Variants in AFF2 observed in about 807,000 individuals in gnomAD.
AFF2 encodes the protein ALF transcription elongation factor 2.
AFF2 carries 14 observed loss-of-function variants against 76.9 expected under a neutral mutation model. That is an observed-to-expected ratio of 0.18 (90% CI 0.12 to 0.28). AFF2 has a LOEUF of 0.28. Among genes scored for constraint, AFF2 ranks in the 10% least tolerant of loss-of-function variants. The pLI is 1.00. For synonymous variants in AFF2, 398 were observed against 366.7 expected, an observed-to-expected ratio of 1.09 and a Z score of -0.98; for missense variants, 868 against 1,001.1, an observed-to-expected ratio of 0.87 and a Z score of 1.79.
intron 1 of AFF2, among the ~76,000 whole-genome samples, chrX:148,506,290 T>C (rs782353025): frequency 8.9e-6 from 1 of 111,792 alleles, no homozygotes; most frequent in South Asian, 3.7e-4. Flanking sequence ...TGCTATCTCA[T>C]TTGATCATTG....
chrX:148,971,747 C>CTTTTTTTTTTTTTTTTTTTTTTTA (rs781928514), intron 15 of AFF2, among the ~76,000 whole-genome samples: 4 of 44,730 alleles, frequency 8.9e-5, no homozygotes, highest in African/African-American at 2.8e-4. Context: ...TTTTCTATTT[C>CTTTTTTTTTTTTTTTTTTTTTTTA]TTTTTTTTTT....
At position 148,715,410 on chromosome X, in the gene AFF2, T is replaced by C. The variant is rs185107434; in HGVS notation, c.1041+52642T>C. On this transcript the variant is annotated intron_variant, in intron 3 of 20. Transcript: ENST00000370460. ...AGCACATATATGTACACCATTCCAC[T>C]CCCACTAGTGTGTGCTCGCTGGCAC... Among the ~76,000 whole-genome samples, 393 of 110,578 alleles carry C rather than the reference T, an allele frequency of 3.6e-3. 3 individuals carry two copies. Among genetic ancestry groups the C allele is most frequent in the African/African-American group, 0.011 (345 of 30,125 alleles).
intron 3 of AFF2, among the ~76,000 whole-genome samples, chrX:148,805,022 C>T (rs1557271199): frequency 8.9e-6 from 1 of 111,832 alleles, no homozygotes. Flanking sequence ...ATGGGAATTA[C>T]AAATTTTAAA....
intron 3 of AFF2, among the ~76,000 whole-genome samples, chrX:148,762,424 C>T (rs781847867): frequency 1.5e-4 from 11 of 75,322 alleles, no homozygotes; most frequent in African/African-American, 9.4e-4. Flanking sequence ...TATATATACA[C>T]ATGCACACAT....
intron 1 of AFF2, among the ~76,000 whole-genome samples, chrX:148,518,022 C>CAA (rs543248775): frequency 2.3e-4 from 9 of 38,596 alleles, no homozygotes; most frequent in African/African-American, 8.8e-4. Flanking sequence ...GACTCCGTCT[C>CAA]AAAAAAAAAA....
At chrX:148,838,695 G>A (rs993514460) in intron 5 of AFF2, among the ~76,000 whole-genome samples, 1 of 111,846 alleles carries the variant, frequency 8.9e-6, no homozygotes, top group Non-Finnish European at 1.9e-5. Flanking sequence ...TAAAGTTTGT[G>A]TGATGGGGAG....
chrX:148,798,202 C>T (rs2070011634), intron 3 of AFF2, among the ~76,000 whole-genome samples: 1 of 110,772 alleles, frequency 9.0e-6, no homozygotes, highest in South Asian at 3.9e-4. Flanking sequence ...GAAGCAGAAA[C>T]AAAAGAGTGC....
intron 1 of AFF2, among the ~76,000 whole-genome samples, chrX:148,595,522 T>C (rs1482562590): frequency 8.9e-6 from 1 of 111,894 alleles, no homozygotes; most frequent in African/African-American, 3.3e-5. Flanking sequence ...TGTGAGTAAA[T>C]GTATTGACAG....
At chrX:148,766,647 T>C (rs949015886) in intron 3 of AFF2, among the ~76,000 whole-genome samples, 3 of 108,783 alleles carry the variant, frequency 2.8e-5, no homozygotes, top group Non-Finnish European at 5.7e-5. Context: ...TTCTCCCATT[T>C]TGTAGGTTGC....
chrX:148,820,041 T>C (rs1368227248), intron 4 of AFF2, among the ~76,000 whole-genome samples: 4 of 111,754 alleles, frequency 3.6e-5, no homozygotes, highest in African/African-American at 9.7e-5. Context: ...ATTGTAAGTC[T>C]GAAAATAGCA....
chrX:148,704,061 A>AAT (rs1659032506), intron 3 of AFF2, among the ~76,000 whole-genome samples: 1 of 103,369 alleles, frequency 9.7e-6, no homozygotes, highest in African/African-American at 3.5e-5. Flanking sequence ...ACACCCTGCT[A>AAT]ATATATATAT....
At position 148,956,160 on chromosome X, in the gene AFF2, A is replaced by G; in HGVS notation, c.2115A>G (p.Pro705=). Residue 705 remains proline, a synonymous_variant, in exon 11 of 21, where the codon CCA becomes CCG. Transcript: ENST00000370460. ...ACAGAGGGCCTGGCAAGATTGTGCC[A>G]AAGTCTCGGGAATTCATTGAAACAG... ...KKYRGPGKIV[P]KSREFIETDS... The G allele has an allele frequency of 1.7e-6, 2 of 1,210,881 alleles. No individual in the cohort carries two copies. Among genetic ancestry groups the G allele is most frequent in the Non-Finnish European group, 2.2e-6 (2 of 895,262 alleles).
intron 4 of AFF2, among the ~76,000 whole-genome samples, chrX:148,832,675 G>C (rs7052388): frequency 0.023 from 2,522 of 112,076 alleles, 87 homozygotes; most frequent in African/African-American, 0.077. Context: ...TGCCAAGCCT[G>C]TGAGGTAGGC....
intron 20 of AFF2, 26 bp downstream of exon 20, chrX:148,987,583 A>G (rs782535279): frequency 8.6e-7 from 1 of 1,162,937 alleles, no homozygotes; most frequent in South Asian, 1.9e-5. Context: ...CTACCCATAT[A>G]GCTCACAGAC....
intron 4 of AFF2, among the ~76,000 whole-genome samples, chrX:148,816,021 T>C (rs1301109946): frequency 8.9e-6 from 1 of 112,030 alleles, no homozygotes; most frequent in African/African-American, 3.2e-5. Context: ...GTTTTCTGTA[T>C]CTTGGGTGTA....
intron 3 of AFF2, among the ~76,000 whole-genome samples, chrX:148,794,815 G>T (rs1557270246): frequency 9.0e-6 from 1 of 111,114 alleles, no homozygotes; most frequent in East Asian, 2.8e-4. Flanking sequence ...CTCCTGGATT[G>T]CTATGGCTCT....
chrX:148,964,351 G>C (rs1372469172), intron 13 of AFF2, among the ~76,000 whole-genome samples: 1 of 112,361 alleles, frequency 8.9e-6, no homozygotes, highest in Non-Finnish European at 1.9e-5. Context: ...GTAGGCATAA[G>C]GTAGTTTTCC....
chrX:148,799,727 T>G (rs1467499809), intron 3 of AFF2, among the ~76,000 whole-genome samples: 1 of 112,094 alleles, frequency 8.9e-6, no homozygotes, highest in African/African-American at 3.2e-5. Context: ...AAGGCAAACA[T>G]TTTGTATTAG....
intron 3 of AFF2, among the ~76,000 whole-genome samples, chrX:148,766,093 T>C (rs374745613): frequency 4.5e-5 from 5 of 110,867 alleles, no homozygotes; most frequent in Non-Finnish European, 9.4e-5. Flanking sequence ...TTTTCTTAAT[T>C]CAGTCTATCA....
Sources: allele counts gnomAD v4.1 joint callset (sites outside exome capture counted in the v4.1 genomes callset), GRCh38; gene constraint gnomAD v4.1.1; transcripts MANE v1.5; gene names NCBI Gene and HGNC (gene_info 2026-07-23, HGNC 2026-07-21).